LRP1B: variants seen among roughly 807,000 people sequenced by gnomAD.
LRP1B encodes low-density lipoprotein receptor-related protein 1B.
In LRP1B, 217 loss-of-function variants were observed where a neutral mutation model predicts 556.6. The observed-to-expected ratio is 0.39, with a 90% CI of 0.35 to 0.44. The LOEUF (loss-of-function observed/expected upper bound fraction) is 0.44. Ranked by LOEUF, LRP1B falls within the 20% of genes least tolerant of loss-of-function variation. The pLI, the probability that LRP1B is intolerant of heterozygous loss-of-function variation, is 1.00. For missense variants in LRP1B, 5,053 were observed against 5,620.8 expected, an observed-to-expected ratio of 0.90 and a Z score of 3.23; for synonymous variants, 2,047 against 1,865.8, an observed-to-expected ratio of 1.10 and a Z score of -2.50.
rs1193473248 is a variant in LRP1B at position 141,453,253 on chromosome 2, C to A, written c.343+27143G>T. Among the ~76,000 whole-genome samples the A allele has an allele frequency of 5.3e-5, 8 of 151,928 alleles. No homozygotes were observed. The South Asian group carries it at 1.0e-3, about 20-fold the overall frequency. Reference sequence around the variant, plus strand: ...CTCCATCTCAAAATAAAAAAAAATACACAAAATAACAATGTCTGAGGATTT... The same window carrying A: ...CTCCATCTCAAAATAAAAAAAAATAAACAAAATAACAATGTCTGAGGATTT... On this transcript the variant is annotated intron_variant, in intron 3 of 90. Coordinates refer to ENST00000389484, the MANE Select transcript of LRP1B (RefSeq NM_018557.3).
At chr2:141,684,672 G>C (rs1574239159) in intron 2 of LRP1B, among the ~76,000 whole-genome samples, 2 of 152,132 alleles carry the variant, frequency 1.3e-5, no homozygotes, top group Middle Eastern at 3.4e-3. Context: ...GAATTCCTTA[G>C]CCATCTCAGC....
chr2:142,075,618 G>T (rs1705469227), intron 1 of LRP1B, among the ~76,000 whole-genome samples: 1 of 149,058 alleles, frequency 6.7e-6, no homozygotes, highest in African/African-American at 2.6e-5. Flanking sequence ...GTTTAAATGA[G>T]AGTCTCCTTT....
chr2:141,639,566 A>T (rs1689254977), intron 2 of LRP1B, among the ~76,000 whole-genome samples: 1 of 150,876 alleles, frequency 6.6e-6, no homozygotes, highest in Non-Finnish European at 1.5e-5. Context: ...TTAATATCAG[A>T]ATGCTATTGA....
intron 3 of LRP1B, among the ~76,000 whole-genome samples, chr2:141,278,809 G>A (rs1252726825): frequency 6.6e-6 from 1 of 152,024 alleles, no homozygotes; most frequent in African/African-American, 2.4e-5. Flanking sequence ...AAATATCCAG[G>A]GAAGGCTGAG....
In LRP1B at chr2:140,536,715, AG is replaced by A; in HGVS notation, c.7514-7del. 3.2e-6 allele frequency: 5 copies of A among 1,581,454 alleles called. No individual in the cohort carries two copies. The highest frequency in any genetic ancestry group is 1.7e-6 in the Non-Finnish European group (2 of 1,168,618). ...GTTGCAGGAGGAATTTTTAGCTGCA[AG>A]AAAAAAAAAAAAAGTCAATACTTTT... On this transcript the variant is annotated splice_region_variant and splice_polypyrimidine_tract_variant and intron_variant, in intron 45 of 90. Coordinates refer to ENST00000389484, the MANE Select transcript of LRP1B (RefSeq NM_018557.3).
intron 1 of LRP1B, among the ~76,000 whole-genome samples, chr2:141,899,325 G>T (rs1486424296): frequency 6.6e-6 from 1 of 152,024 alleles, no homozygotes; most frequent in Non-Finnish European, 1.5e-5. Flanking sequence ...ATTCAAAAGT[G>T]CCCTGTCATG....
intron 52 of LRP1B, among the ~76,000 whole-genome samples, chr2:140,509,082 AAACACAC>A (rs1558931365): frequency 1.2e-5 from 1 of 84,514 alleles, no homozygotes; most frequent in Non-Finnish European, 2.5e-5. Flanking sequence ...ACACACACAC[AAACACAC>A]ACACACACAC....
intron 1 of LRP1B, among the ~76,000 whole-genome samples, chr2:141,978,556 G>T (rs1561022): frequency 0.58 from 88,222 of 151,684 alleles, 26,102 homozygotes; most frequent in Middle Eastern, 0.68. Flanking sequence ...GCTTTCAAAA[G>T]AAAATTTTTA....
intron 2 of LRP1B, among the ~76,000 whole-genome samples, chr2:141,693,210 C>T (rs531094716): frequency 1.3e-5 from 2 of 151,982 alleles, no homozygotes; most frequent in Non-Finnish European, 2.9e-5. Flanking sequence ...CAGCAATTAG[C>T]ATTTTTTTCT....
At chr2:141,290,684 GAAACAAAC>G (rs562784501) in intron 3 of LRP1B, among the ~76,000 whole-genome samples, 22 of 152,072 alleles carry the variant, frequency 1.4e-4, no homozygotes, top group African/African-American at 4.1e-4. Context: ...GGTTCAGTAG[GAAACAAAC>G]AAACAAACAA....
At chr2:140,909,425 T>C (rs992609146) in intron 21 of LRP1B, among the ~76,000 whole-genome samples, 1 of 151,878 alleles carries the variant, frequency 6.6e-6, no homozygotes, top group African/African-American at 2.4e-5. Context: ...TAAAAATATA[T>C]CAATAATTCT....
Position 140,514,689 on chromosome 2 carries a change from A to G in LRP1B, c.8233T>C (p.Cys2745Arg). Residue 2745 changes from cysteine to arginine, a missense_variant, in exon 51 of 91, where the codon TGT becomes CGT. Cys to Arg is a radical substitution (Grantham distance 180). Coordinates refer to ENST00000389484, the MANE Select transcript of LRP1B (RefSeq NM_018557.3). ...KHWICDGEDD[C>R]GDGLDESDSI... is the part of the protein sequence containing the mutation. ...TCACTTTCATCTAACCCATCCCCAC[A>G]GTCATCTTCTCCATCACAAATCCAA... The G allele has an allele frequency of 6.2e-7, 1 of 1,612,620 alleles. No homozygotes were observed. Among genetic ancestry groups the G allele is most frequent in the Non-Finnish European group, 8.5e-7 (1 of 1,178,958 alleles).
intron 31 of LRP1B, among the ~76,000 whole-genome samples, chr2:140,825,401 C>T (rs1691467710): frequency 6.6e-6 from 1 of 152,044 alleles, no homozygotes; most frequent in Admixed American, 6.6e-5. Flanking sequence ...TGTTGTCTCC[C>T]AGTAACTGGC....
At chr2:140,328,601 A>G (rs1680623301) in intron 79 of LRP1B, among the ~76,000 whole-genome samples, 1 of 152,074 alleles carries the variant, frequency 6.6e-6, no homozygotes, top group Admixed American at 6.6e-5. Flanking sequence ...AATTATATCC[A>G]TTCTGTTTTA....
At chr2:142,032,835 A>G (rs1305816728) in intron 1 of LRP1B, among the ~76,000 whole-genome samples, 3 of 151,752 alleles carry the variant, frequency 2.0e-5, no homozygotes, top group African/African-American at 7.3e-5. Context: ...AAGACCAAAG[A>G]TATCATTCTA....
At chr2:140,531,362 T>G in intron 47 of LRP1B, among the ~76,000 whole-genome samples, 1 of 152,174 alleles carries the variant, frequency 6.6e-6, no homozygotes, top group Non-Finnish European at 1.5e-5. Flanking sequence ...GCTAATTTAT[T>G]TCTCTCCGCT....
chr2:141,667,064 GA>G (rs1386238694), intron 2 of LRP1B, among the ~76,000 whole-genome samples: 2 of 152,066 alleles, frequency 1.3e-5, no homozygotes, highest in Non-Finnish European at 2.9e-5. Context: ...GTTCCTGAGG[GA>G]AAGAGCCGGC....
intron 66 of LRP1B, among the ~76,000 whole-genome samples, chr2:140,419,283 C>G (rs1685333782): frequency 1.3e-5 from 2 of 151,976 alleles, no homozygotes; most frequent in South Asian, 4.1e-4. Context: ...GCATTAACAA[C>G]AAAATTTCAA....
intron 2 of LRP1B, among the ~76,000 whole-genome samples, chr2:141,721,841 C>T (rs1692825389): frequency 6.6e-6 from 1 of 152,124 alleles, no homozygotes; most frequent in African/African-American, 2.4e-5. Flanking sequence ...TGGCCATCTC[C>T]TGTATCAACT....
Sources: allele counts gnomAD v4.1 joint callset (sites outside exome capture counted in the v4.1 genomes callset), GRCh38; gene constraint gnomAD v4.1.1; transcripts MANE v1.5; gene names NCBI Gene and HGNC (gene_info 2026-07-23, HGNC 2026-07-21).